SORCS1: variants seen among roughly 807,000 people sequenced by gnomAD.
SORCS1 encodes the protein VPS10 domain-containing receptor SorCS1.
A neutral mutation model predicts 146.1 loss-of-function variants in SORCS1; 60 were observed. That is an observed-to-expected ratio of 0.41 (90% confidence interval 0.33 to 0.51). SORCS1 has a LOEUF of 0.51. Ranked by LOEUF, SORCS1 falls within the 20% of genes least tolerant of loss-of-function variation. The probability of loss-of-function intolerance (pLI) is 0.21; values close to 1 mark genes in which losing one functional copy is unlikely to be tolerated. For synonymous variants in SORCS1, 637 were observed against 584.0 expected (o/e 1.09, Z -1.31); for missense variants, 1,352 against 1,487.6 (o/e 0.91, Z 1.50).
At chr10:106,734,972 C>A (rs1226683668) in intron 5 of SORCS1, among the ~76,000 whole-genome samples, 1 of 151,912 alleles carries the variant, frequency 6.6e-6, no homozygotes, top group South Asian at 2.1e-4. Context: ...ATGGCAAAAC[C>A]CCGTCTCTAC....
chr10:106,740,259 A>G (rs1278667732), intron 5 of SORCS1, among the ~76,000 whole-genome samples: 9 of 152,008 alleles, frequency 5.9e-5, no homozygotes, highest in Admixed American at 5.9e-4. Flanking sequence ...ATCACCAATT[A>G]CCCCCCTAGG....
chr10:107,091,754 G>C (rs1311829140), intron 1 of SORCS1, among the ~76,000 whole-genome samples: 1 of 152,056 alleles, frequency 6.6e-6, no homozygotes, highest in Non-Finnish European at 1.5e-5. Flanking sequence ...GCTGGACTTT[G>C]GTCCTTCAAA....
At chr10:106,838,685 T>C (rs1320408054) in intron 2 of SORCS1, among the ~76,000 whole-genome samples, 1 of 152,212 alleles carries the variant, frequency 6.6e-6, no homozygotes, top group Non-Finnish European at 1.5e-5. Context: ...GCATACCTTG[T>C]TTTATTGCAC....
intron 1 of SORCS1, among the ~76,000 whole-genome samples, chr10:107,158,061 GA>G (rs1316843195): frequency 3.9e-5 from 6 of 152,316 alleles, no homozygotes; most frequent in African/African-American, 1.4e-4. Context: ...AAGGCAGCCT[GA>G]ACAGTGATCT....
At chr10:106,684,664 G>A (rs1037281564) in intron 10 of SORCS1, among the ~76,000 whole-genome samples, 4 of 152,158 alleles carry the variant, frequency 2.6e-5, no homozygotes, top group South Asian at 2.1e-4. Flanking sequence ...CAGGAACACT[G>A]CATTCGGGCT....
intron 1 of SORCS1, among the ~76,000 whole-genome samples, chr10:107,007,565 C>A (rs1168301404): frequency 6.6e-6 from 1 of 152,202 alleles, no homozygotes; most frequent in Admixed American, 6.5e-5. Context: ...CATACAACTG[C>A]CACTGGCAAG....
intron 1 of SORCS1, among the ~76,000 whole-genome samples, chr10:107,043,179 A>C (rs190334389): frequency 6.6e-6 from 1 of 152,224 alleles, no homozygotes; most frequent in Non-Finnish European, 1.5e-5. Flanking sequence ...GGAAATGTTA[A>C]GACCTCTCTC....
At chr10:106,748,500 A>C (rs924309427) in intron 5 of SORCS1, among the ~76,000 whole-genome samples, 7 of 152,008 alleles carry the variant, frequency 4.6e-5, no homozygotes, top group Admixed American at 2.6e-4. Context: ...CCCTCTCCTC[A>C]GGCCTCCCTA....
At chr10:106,579,038 G>A (rs754809503) in intron 25 of SORCS1, 11 of 1,600,808 alleles carry the variant, frequency 6.9e-6, no homozygotes, top group African/African-American at 4.0e-5. Context: ...TAGAGAGAGA[G>A]TCAGCCATTG....
At chr10:106,780,079 G>A (rs967259069) in intron 3 of SORCS1, among the ~76,000 whole-genome samples, 10 of 152,004 alleles carry the variant, frequency 6.6e-5, no homozygotes, top group East Asian at 3.9e-4. Flanking sequence ...AATTTAATGC[G>A]ATCTAAATAA....
rs186285591 is a variant in SORCS1, at chr10:106,578,616, T to C, written c.3371+753A>G. On this transcript the variant is annotated intron_variant, in intron 25 of 25. Coordinates refer to ENST00000263054, the MANE Select transcript of SORCS1 (RefSeq NM_052918.5). ...AGGATCAGGCTGGCCACTCTCATTA[T>C]GTCACTTCTCTACTGGTGTTCCAGA... The C allele has an allele frequency of 2.7e-4, 265 of 981,484 alleles. No homozygotes were observed. The African/African-American group carries it at 4.1e-3, about 15-fold the overall frequency. 60.8% of individuals were successfully genotyped at this position (981,484 alleles called of 1,614,324 possible). A position where few individuals can be genotyped will look rare whatever the true frequency, so the allele number is the denominator to read the frequency against.
At chr10:107,018,915 G>A (rs528214722) in intron 1 of SORCS1, among the ~76,000 whole-genome samples, 5 of 152,302 alleles carry the variant, frequency 3.3e-5, no homozygotes, top group South Asian at 4.1e-4. Flanking sequence ...TAACAGTACC[G>A]TTTGGTGGAA....
At chr10:106,672,374 C>T (rs989776097) in intron 15 of SORCS1, among the ~76,000 whole-genome samples, 2 of 152,148 alleles carry the variant, frequency 1.3e-5, no homozygotes, top group African/African-American at 2.4e-5. Context: ...TCTGCATTCT[C>T]ATACCAGAAG....
chr10:106,900,781 C>A (rs534455342), intron 2 of SORCS1, among the ~76,000 whole-genome samples: 3 of 152,276 alleles, frequency 2.0e-5, no homozygotes, highest in Admixed American at 1.3e-4. Flanking sequence ...GTATCCAATA[C>A]TATGTTTTTA....
intron 2 of SORCS1, among the ~76,000 whole-genome samples, chr10:106,837,922 T>C (rs1948851358): frequency 6.6e-6 from 1 of 152,168 alleles, no homozygotes; most frequent in Non-Finnish European, 1.5e-5. Context: ...TTATTTTCTG[T>C]TCACAATATT....
rs111845100 is a variant in SORCS1, at chr10:106,599,105, G to A, written c.3166-1655C>T. ...GGTTTACAGAAGTGGATTTCTGGCC[G>A]GGCACAGTGGCTCACTTTGGGAGGC... On this transcript the variant is annotated intron_variant, in intron 23 of 25. Transcript: ENST00000263054. Among the ~76,000 whole-genome samples, 565 of 152,234 alleles carry A rather than the reference G, an allele frequency of 3.7e-3. 4 individuals are homozygous for A. Among genetic ancestry groups the A allele is most frequent in the African/African-American group, 0.013 (534 of 41,534 alleles).
intron 1 of SORCS1, among the ~76,000 whole-genome samples, chr10:107,058,113 C>A (rs1244725455): frequency 6.6e-6 from 1 of 152,184 alleles, no homozygotes; most frequent in African/African-American, 2.4e-5. Context: ...GCGATCTTGG[C>A]TCACTGCAAA....
intron 9 of SORCS1, among the ~76,000 whole-genome samples, chr10:106,692,221 T>C (rs1271813053): frequency 1.3e-5 from 2 of 152,012 alleles, no homozygotes; most frequent in Non-Finnish European, 2.9e-5. Context: ...TTGGGTTCTT[T>C]TGTTTGTTTG....
chr10:107,145,053 C>G (rs1968194866), intron 1 of SORCS1, among the ~76,000 whole-genome samples: 1 of 152,210 alleles, frequency 6.6e-6, no homozygotes, highest in Admixed American at 6.5e-5. Context: ...TAATCTCTAT[C>G]TTCCAGTGGA....
Sources: allele counts gnomAD v4.1 joint callset (sites outside exome capture counted in the v4.1 genomes callset), GRCh38; gene constraint gnomAD v4.1.1; transcripts MANE v1.5; gene names NCBI Gene and HGNC (gene_info 2026-07-23, HGNC 2026-07-21).